Variants in IFT88 observed in about 807,000 individuals in gnomAD.
The protein encoded by IFT88 is intraflagellar transport protein 88 homolog.
In IFT88, 74 loss-of-function variants were observed where a neutral mutation model predicts 119.5. The observed-to-expected ratio is 0.62, with a 90% confidence interval of 0.51 to 0.75. The LOEUF (loss-of-function observed/expected upper bound fraction) is 0.75. Ranked by LOEUF, IFT88 falls within the 30% of genes least tolerant of loss-of-function variation. The pLI is 0.00. For synonymous variants in IFT88, 279 were observed against 316.7 expected (o/e 0.88, Z 1.26); for missense variants, 961 against 977.7 (o/e 0.98, Z 0.23).
intron 10 of IFT88, 59 bp downstream of exon 10, chr13:20,598,812 G>A: frequency 2.0e-6 from 2 of 1,000,834 alleles, no homozygotes; most frequent in South Asian, 1.3e-5. Flanking sequence ...GTTAATTTAT[G>A]TCTCTTCATT....
At chr13:20,623,801 T>C (rs1288694092) in intron 14 of IFT88, among the ~76,000 whole-genome samples, 2 of 152,214 alleles carry the variant, frequency 1.3e-5, no homozygotes, top group Non-Finnish European at 1.5e-5. Flanking sequence ...TTAAAAAATT[T>C]CTCTCGGCAA....
At chr13:20,667,661 C>A (rs573325867) in intron 23 of IFT88, among the ~76,000 whole-genome samples, 2 of 147,112 alleles carry the variant, frequency 1.4e-5, no homozygotes, top group African/African-American at 2.5e-5. Flanking sequence ...TCAGGCTGGT[C>A]TTGAACTCCT....
At chr13:20,608,033 C>T in intron 13 of IFT88, 1 of 559,152 alleles carries the variant, frequency 1.8e-6, no homozygotes, top group Non-Finnish European at 3.4e-6. Flanking sequence ...AGAAGCCCCA[C>T]CAATGGCCTC....
At chr13:20,624,827 T>G (rs1472197217) in intron 14 of IFT88, among the ~76,000 whole-genome samples, 1 of 152,190 alleles carries the variant, frequency 6.6e-6, no homozygotes, top group Non-Finnish European at 1.5e-5. Flanking sequence ...CAAAATGATG[T>G]TTTGATACAT....
chr13:20,689,323 T>A (rs577815774), intron 24 of IFT88, among the ~76,000 whole-genome samples: 1 of 152,332 alleles, frequency 6.6e-6, no homozygotes, highest in South Asian at 2.1e-4. Flanking sequence ...GGGTTTTGGG[T>A]GCCTGAGGGA....
At position 20,613,252 on chromosome 13, in the gene IFT88, A is replaced by G. The variant is rs145109896; in HGVS notation, c.1113-2541A>G. 5.7e-4 allele frequency among the ~76,000 whole-genome samples: 87 copies of G among 152,288 alleles called. 1 individual carries two copies. Among genetic ancestry groups the G allele is most frequent in the African/African-American group, 1.7e-3 (69 of 41,570 alleles). On this transcript the variant is annotated intron_variant, in intron 13 of 25. Coordinates refer to ENST00000351808, the MANE Select transcript of IFT88 (RefSeq NM_006531.5). ...GTCCAACTCAATAATAAAAAGGCCA[A>G]TAGCCCAATTAAAAATGTGCAAAAG...
chr13:20,654,683 C>T (rs909737220), intron 21 of IFT88, among the ~76,000 whole-genome samples: 4 of 152,170 alleles, frequency 2.6e-5, no homozygotes, highest in South Asian at 4.1e-4. Context: ...TTCAGAATGG[C>T]ATCAGAAATG....
At chr13:20,576,044 T>C (rs1020751350) in intron 2 of IFT88, among the ~76,000 whole-genome samples, 7 of 152,248 alleles carry the variant, frequency 4.6e-5, no homozygotes, top group Admixed American at 3.9e-4. Context: ...ATTACCTGTC[T>C]TTTGGATAAA....
intron 16 of IFT88, among the ~76,000 whole-genome samples, chr13:20,637,168 T>C (rs942041935): frequency 6.6e-6 from 1 of 152,110 alleles, no homozygotes. Flanking sequence ...TATTGATGGG[T>C]ACAGGGTTTC....
intron 25 of IFT88, 28 bp from the exon 26 acceptor site, chr13:20,691,026 C>T (rs1266032248): frequency 1.9e-6 from 3 of 1,609,014 alleles, no homozygotes; most frequent in African/African-American, 2.7e-5. Flanking sequence ...TTACATAACT[C>T]TAACGTGACA....
At chr13:20,621,181 C>T (rs1193715252) in intron 14 of IFT88, among the ~76,000 whole-genome samples, 5 of 152,106 alleles carry the variant, frequency 3.3e-5, no homozygotes, top group Non-Finnish European at 7.4e-5. Context: ...ATTCTCGTAC[C>T]TCAGCCTCCC....
At chr13:20,636,394 A>T (rs1363271373) in intron 16 of IFT88, among the ~76,000 whole-genome samples, 1 of 152,200 alleles carries the variant, frequency 6.6e-6, no homozygotes, top group Non-Finnish European at 1.5e-5. Flanking sequence ...TGGTTCTTCT[A>T]TATTTTCTCT....
At chr13:20,688,998 G>C (rs920152967) in intron 24 of IFT88, among the ~76,000 whole-genome samples, 1 of 152,140 alleles carries the variant, frequency 6.6e-6, no homozygotes, top group Non-Finnish European at 1.5e-5. Flanking sequence ...GCAGTGGCAC[G>C]ATCTGGCTCA....
chr13:20,638,447 A>G lies in IFT88; in HGVS notation c.1502A>G (p.Glu501Gly). 6.5e-7 allele frequency: 1 copy of G among 1,535,410 alleles called. No homozygotes were observed. Among genetic ancestry groups the G allele is most frequent in the East Asian group, 2.4e-5 (1 of 40,876 alleles). ...ACAGTTTTTGCAAATGGTGATTATG[A>G]GAAGGCCGCTGAATTCTATAAAGAG... The part of the protein sequence containing the change: ...GNTVFANGDY[E>G]KAAEFYKEAL... The change falls in exon 17 of 26, where the codon GAG (glutamate) becomes GGG (glycine). Residue 501 changes from glutamate to glycine, a missense_variant. By Grantham distance (98) the Glu-to-Gly change is moderately conservative (BLOSUM62 -2). Transcript: ENST00000351808.
chr13:20,592,926 C>A (rs1371973292), intron 7 of IFT88, among the ~76,000 whole-genome samples: 1,786 of 151,866 alleles, frequency 0.012, 35 homozygotes, highest in African/African-American at 0.041. Flanking sequence ...TAAGAATAGC[C>A]ATATGTATTC....
intron 24 of IFT88, among the ~76,000 whole-genome samples, chr13:20,679,501 G>A (rs879365815): frequency 6.6e-6 from 1 of 152,100 alleles, no homozygotes; most frequent in Non-Finnish European, 1.5e-5. Context: ...CCCAAGGATG[G>A]GAAAGCTTTA....
intron 2 of IFT88, 120 bp from the exon 3 acceptor site, chr13:20,582,837 T>G: frequency 1.5e-6 from 1 of 688,636 alleles, no homozygotes. Flanking sequence ...GAGTCCTAGA[T>G]GTCAACAGTT....
chr13:20,626,879 T>C (rs1207026185), intron 15 of IFT88, among the ~76,000 whole-genome samples: 2 of 152,174 alleles, frequency 1.3e-5, no homozygotes, highest in Non-Finnish European at 2.9e-5. Context: ...CTCTTCCCAG[T>C]TAGATCCAGA....
At chr13:20,652,419 T>C (rs887888281) in intron 20 of IFT88, among the ~76,000 whole-genome samples, 9 of 152,020 alleles carry the variant, frequency 5.9e-5, no homozygotes, top group Non-Finnish European at 1.2e-4. Flanking sequence ...GGCGGATCGC[T>C]TGACCTCAAG....
Sources: gnomAD v4.1 joint callset for allele counts (sites outside exome capture counted in the v4.1 genomes callset) on GRCh38, gnomAD v4.1.1 for gene constraint, MANE v1.5 for transcripts, NCBI Gene and HGNC (gene_info 2026-07-23, HGNC 2026-07-21) for gene names.